Variants in DLGAP4 observed in about 807,000 individuals in gnomAD.
The protein encoded by DLGAP4 is DLG associated protein 4, also known as disks large-associated protein 4.
In DLGAP4, 18 loss-of-function variants were observed where a neutral mutation model predicts 86.9. The ratio of observed to expected loss-of-function variants is 0.21; its 90% CI spans 0.14 to 0.31. The LOEUF is 0.31. Ranked by LOEUF, DLGAP4 falls within the 10% of genes least tolerant of loss-of-function variation. The probability of loss-of-function intolerance (pLI) is 1.00; values close to 1 mark genes in which losing one functional copy is unlikely to be tolerated. For synonymous variants in DLGAP4, 548 were observed against 574.3 expected (o/e 0.95, Z 0.65); for missense variants, 1,085 against 1,362.6 (o/e 0.80, Z 3.21).
At chr20:36,339,276 C>T (rs1355066177) in intron 1 of DLGAP4, among the ~76,000 whole-genome samples, 7 of 152,042 alleles carry the variant, frequency 4.6e-5, no homozygotes, top group African/African-American at 4.8e-5. Flanking sequence ...TTAGTAGAGA[C>T]GGGGTTTCAC....
chr20:36,499,769 C>A lies in DLGAP4; in HGVS notation c.2099+93C>A, dbSNP rs562518835. The A allele has an allele frequency of 6.8e-5, 80 of 1,173,932 alleles. 1 individual carries two copies. In the African/African-American group the frequency reaches 1.1e-3, roughly 17 times the overall value. The allele number at this position is 1,173,932 out of a possible 1,614,324, so 72.7% of individuals were successfully genotyped here. ...GCTCTCCCTAACCCACTTCTCCTTG[C>A]TGGATTTCTAATAACCAAGCTGGGT... On this transcript the variant is annotated intron_variant, in intron 9 of 12. Coordinates refer to ENST00000339266, the MANE Select transcript of DLGAP4 (RefSeq NM_001365621.2).
At chr20:36,360,337 G>A (rs2030473593) in intron 1 of DLGAP4, among the ~76,000 whole-genome samples, 1 of 152,150 alleles carries the variant, frequency 6.6e-6, no homozygotes, top group African/African-American at 2.4e-5. Flanking sequence ...TGTGGAGCCA[G>A]CCTCAGTTGC....
At chr20:36,364,119 G>A (rs1323726018) in intron 1 of DLGAP4, among the ~76,000 whole-genome samples, 1 of 152,136 alleles carries the variant, frequency 6.6e-6, no homozygotes, top group African/African-American at 2.4e-5. Flanking sequence ...GTTAATAATT[G>A]AGATATAGAA....
At chr20:36,442,225 G>A (rs776528220) in intron 5 of DLGAP4, among the ~76,000 whole-genome samples, 1 of 152,086 alleles carries the variant, frequency 6.6e-6, no homozygotes, top group African/African-American at 2.4e-5. Context: ...ATGGAGTTTC[G>A]CTCTTGTTGC....
chr20:36,340,826 A>C lies in DLGAP4; in HGVS notation c.-303-26219A>C, dbSNP rs880002961. Among the ~76,000 whole-genome samples the C allele has an allele frequency of 5.3e-5, 8 of 152,306 alleles. No homozygotes were observed. In the East Asian group the frequency reaches 1.4e-3, roughly 26 times the overall value. On this transcript the variant is annotated intron_variant, in intron 1 of 12. Transcript: ENST00000339266. The stretch of plus-strand genomic sequence containing the variant: ...GAGCTTGATGCAGGTGCTGCGATCC[A>C]GCGGGTGGAGGGGGAGGCATAATTA...
chr20:36,425,524 C>T (rs1329537680), intron 2 of DLGAP4, among the ~76,000 whole-genome samples: 3 of 151,054 alleles, frequency 2.0e-5, no homozygotes, highest in Non-Finnish European at 4.4e-5. Context: ...TTGGTGGTTC[C>T]GCAAAAAGTT....
At chr20:36,450,840 T>C (rs2033718612) in intron 7 of DLGAP4, among the ~76,000 whole-genome samples, 1 of 152,228 alleles carries the variant, frequency 6.6e-6, no homozygotes, top group Non-Finnish European at 1.5e-5. Context: ...TATTGATCCA[T>C]GGCAATTCTG....
intron 1 of DLGAP4, among the ~76,000 whole-genome samples, chr20:36,317,465 T>TC (rs2065120880): frequency 1.7e-5 from 2 of 118,046 alleles, no homozygotes; most frequent in African/African-American, 9.4e-5. Context: ...TTCTCTTTCT[T>TC]TTTTTTTTTT....
intron 6 of DLGAP4, among the ~76,000 whole-genome samples, chr20:36,444,424 C>T (rs1285173909): frequency 6.6e-6 from 1 of 152,050 alleles, no homozygotes; most frequent in African/African-American, 2.4e-5. Context: ...GCTGGGACTA[C>T]AGGCACGCAC....
chr20:36,496,755 C>T lies in DLGAP4; in HGVS notation c.1699C>T (p.Arg567Cys), dbSNP rs1195108250. The T allele has an allele frequency of 6.2e-6, 10 of 1,613,172 alleles. No individual in the cohort carries two copies. Among genetic ancestry groups the T allele is most frequent in the African/African-American group, 1.3e-5 (1 of 74,888 alleles). Residue 567 changes from arginine (R) to cysteine (C), a missense_variant, in exon 8 of 13, where the codon CGC (arginine) becomes TGC (cysteine). Transcript: ENST00000339266. ...GAAGACCCCGCCACCGGTCCCTCCA[C>T]GCACCACTTCAAAGCCGTTCATCTC... ...YKKTPPPVPP[R>C]TTSKPFISVT...
chr20:36,465,929 TC>T (rs1274146652), intron 7 of DLGAP4, among the ~76,000 whole-genome samples: 2 of 151,982 alleles, frequency 1.3e-5, no homozygotes, highest in African/African-American at 4.8e-5. Flanking sequence ...AAATGCCACC[TC>T]CCCCAGGAAG....
At chr20:36,313,754 C>T (rs1236704374) in intron 1 of DLGAP4, among the ~76,000 whole-genome samples, 11 of 152,110 alleles carry the variant, frequency 7.2e-5, no homozygotes, top group African/African-American at 2.7e-4. Context: ...TGAGGCTGCA[C>T]AGCTGGTGGG....
At chr20:36,377,430 G>C (rs940647631) in intron 2 of DLGAP4, among the ~76,000 whole-genome samples, 5 of 152,146 alleles carry the variant, frequency 3.3e-5, no homozygotes, top group African/African-American at 1.2e-4. Context: ...TCTTAGAGTT[G>C]GTTGCAAAGT....
chr20:36,386,139 C>T (rs965646589), intron 2 of DLGAP4, among the ~76,000 whole-genome samples: 5 of 152,182 alleles, frequency 3.3e-5, no homozygotes, highest in Non-Finnish European at 5.9e-5. Context: ...CCACACTCTC[C>T]CCTGAACCTT....
intron 10 of DLGAP4, among the ~76,000 whole-genome samples, chr20:36,521,188 C>T (rs866572501): frequency 1.3e-5 from 2 of 152,196 alleles, no homozygotes; most frequent in African/African-American, 4.8e-5. Flanking sequence ...CTCCTGGCCT[C>T]GAGTGATCTG....
At chr20:36,462,337 G>A in intron 7 of DLGAP4, 1 of 1,363,792 alleles carries the variant, frequency 7.3e-7, no homozygotes, top group South Asian at 1.8e-5. Flanking sequence ...GGGGTCCCCT[G>A]CTTTGCTCTC....
At chr20:36,354,439 C>T (rs1457416766) in intron 1 of DLGAP4, among the ~76,000 whole-genome samples, 1 of 152,162 alleles carries the variant, frequency 6.6e-6, no homozygotes, top group Non-Finnish European at 1.5e-5. Flanking sequence ...TTTTGCAGTG[C>T]ACAACAAACA....
intron 7 of DLGAP4, among the ~76,000 whole-genome samples, chr20:36,485,481 T>C (rs1342735796): frequency 6.6e-6 from 1 of 151,994 alleles, no homozygotes; most frequent in Non-Finnish European, 1.5e-5. Context: ...CCAGAAAGGG[T>C]TGATGCCCTG....
chr20:36,427,993 A>G (rs1164999799), intron 2 of DLGAP4, among the ~76,000 whole-genome samples: 2 of 152,182 alleles, frequency 1.3e-5, no homozygotes, highest in Non-Finnish European at 2.9e-5. Flanking sequence ...TACAATCCAT[A>G]ATATGCAGCT....
Sources: allele counts gnomAD v4.1 joint callset (sites outside exome capture counted in the v4.1 genomes callset), GRCh38; gene constraint gnomAD v4.1.1; transcripts MANE v1.5; gene names NCBI Gene and HGNC (gene_info 2026-07-23, HGNC 2026-07-21).